Variants in GPHN observed in about 807,000 individuals in gnomAD.
The protein encoded by GPHN is gephyrin.
GPHN carries 17 observed loss-of-function variants against 95.5 expected under a neutral mutation model. The observed-to-expected ratio is 0.18, with a 90% CI of 0.12 to 0.27. The LOEUF (loss-of-function observed/expected upper bound fraction) is 0.27. GPHN is among the 10% of genes least tolerant of loss of function. GPHN has a pLI of 1.00. For synonymous variants in GPHN, 320 were observed against 322.5 expected, an observed-to-expected ratio of 0.99 and a Z score of 0.08; for missense variants, 660 against 978.1, an observed-to-expected ratio of 0.67 and a Z score of 4.34.
At chr14:67,308,828 C>T in the GPHN span, among the ~76,000 whole-genome samples, 3 of 152,036 alleles carry the variant, frequency 2.0e-5, no homozygotes, top group Non-Finnish European at 4.4e-5. Flanking sequence ...TCCCAAATTA[C>T]AATATAGGAC....
At chr14:67,538,424 A>G in the GPHN span, among the ~76,000 whole-genome samples, 1 of 152,246 alleles carries the variant, frequency 6.6e-6, no homozygotes, top group East Asian at 1.9e-4. Context: ...AGAGAGAAAT[A>G]ACACATGCGT....
chr14:66,848,731 A>G (rs1159960752), intron 4 of GPHN, among the ~76,000 whole-genome samples: 1 of 152,038 alleles, frequency 6.6e-6, no homozygotes, highest in Non-Finnish European at 1.5e-5. Flanking sequence ...AGAGTTTTAA[A>G]ATAACTCCTT....
At chr14:67,035,366 G>A (rs1186742555) in intron 10 of GPHN, among the ~76,000 whole-genome samples, 1 of 151,354 alleles carries the variant, frequency 6.6e-6, no homozygotes, top group Non-Finnish European at 1.5e-5. Context: ...TCAAAAGTTA[G>A]GAGAAAGAAG....
At chr14:67,145,284 AG>A (rs2080836221) in intron 18 of GPHN, among the ~76,000 whole-genome samples, 1 of 152,174 alleles carries the variant, frequency 6.6e-6, no homozygotes, top group African/African-American at 2.4e-5. Context: ...TACTCTGGAG[AG>A]GTAACAAACT....
At chr14:67,254,404 C>T in the GPHN span, 4 of 151,968 alleles carry the variant, frequency 2.6e-5, no homozygotes, top group African/African-American at 7.3e-5. Context: ...ATAAGAATAT[C>T]CTCATATGCT....
intron 1 of GPHN, among the ~76,000 whole-genome samples, chr14:66,527,677 C>T (rs1031225844): frequency 1.3e-5 from 2 of 152,102 alleles, no homozygotes; most frequent in Non-Finnish European, 2.9e-5. Flanking sequence ...TCTTTGTTCT[C>T]ATTGGTTTCA....
At chr14:67,241,182 C>G in the GPHN span, 1 of 152,228 alleles carries the variant, frequency 6.6e-6, no homozygotes, top group African/African-American at 2.4e-5. Context: ...CGGGCGCTCT[C>G]TCCGCTCCGG....
the GPHN span, chr14:67,474,032 A>T: frequency 2.6e-4 from 357 of 1,372,368 alleles, 1 homozygote; most frequent in Middle Eastern, 2.7e-4. Flanking sequence ...GCGGCGGATC[A>T]CTTGAGGTCA....
chr14:66,701,789 C>T lies in GPHN; in HGVS notation c.143+20604C>T, dbSNP rs996039783. Among the ~76,000 whole-genome samples, 5 of 152,272 alleles carry T rather than the reference C, an allele frequency of 3.3e-5. No homozygotes were observed. In the East Asian group the frequency reaches 7.7e-4, roughly 23 times the overall value. On this transcript the variant is annotated intron_variant, in intron 2 of 22. Transcript: ENST00000478722. ...CCTACCAAGCTCCTGGGGGGAGGGGCGACCAACACCACAGCTATGGCTGCC... is the reference window on the plus strand; with the variant it reads ...CCTACCAAGCTCCTGGGGGGAGGGGTGACCAACACCACAGCTATGGCTGCC...
At chr14:67,473,641 G>C in the GPHN span, 1 of 1,581,348 alleles carries the variant, frequency 6.3e-7, no homozygotes, top group East Asian at 2.3e-5. The surrounding 1 kb of genome is among the most constrained non-coding windows in gnomAD (Gnocchi z 6.5). Flanking sequence ...AACTGGCGCA[G>C]GATGAAGCCG....
the GPHN span, among the ~76,000 whole-genome samples, chr14:67,680,571 A>G: frequency 6.6e-6 from 1 of 151,984 alleles, no homozygotes; most frequent in Non-Finnish European, 1.5e-5. Flanking sequence ...TGATCCTCCT[A>G]TCTCAGCCTC....
intron 10 of GPHN, among the ~76,000 whole-genome samples, chr14:67,035,214 C>T (rs897334619): frequency 4.0e-5 from 6 of 151,896 alleles, no homozygotes; most frequent in Middle Eastern, 3.4e-3. Context: ...AAAAACACAA[C>T]ACACCAAAAC....
the GPHN span, chr14:67,316,826 A>C: frequency 1.9e-6 from 3 of 1,605,828 alleles, no homozygotes; most frequent in Non-Finnish European, 2.5e-6. Flanking sequence ...TCTTTCTGCT[A>C]TTAAGGGAAA....
the GPHN span, among the ~76,000 whole-genome samples, chr14:67,411,299 G>A: frequency 6.6e-6 from 1 of 152,170 alleles, no homozygotes; most frequent in African/African-American, 2.4e-5. Context: ...GGGAAGGACT[G>A]AGGAGGGGAG....
At chr14:66,826,564 G>A (rs73273241) in intron 4 of GPHN, among the ~76,000 whole-genome samples, 4,592 of 152,156 alleles carry the variant, frequency 0.03, 248 homozygotes, top group African/African-American at 0.1. Context: ...AAGTCAGTTG[G>A]TTCCCAAACC....
At chr14:67,102,576 C>T (rs1032595334) in intron 13 of GPHN, among the ~76,000 whole-genome samples, 6 of 152,066 alleles carry the variant, frequency 3.9e-5, no homozygotes, top group Non-Finnish European at 8.8e-5. Context: ...AGGAGAATCG[C>T]TTGAACCTGG....
chr14:67,202,482 A>C, the GPHN span, among the ~76,000 whole-genome samples: 5 of 152,196 alleles, frequency 3.3e-5, no homozygotes, highest in Non-Finnish European at 7.3e-5. Flanking sequence ...ATAAACTTAC[A>C]TTATATCTAA....
the GPHN span, among the ~76,000 whole-genome samples, chr14:67,429,975 C>T: frequency 3.3e-5 from 5 of 152,190 alleles, no homozygotes; most frequent in African/African-American, 4.8e-5. Flanking sequence ...CTCAAGATCA[C>T]GTGGCTCATA....
At chr14:67,522,740 CT>C in the GPHN span, among the ~76,000 whole-genome samples, 1 of 152,182 alleles carries the variant, frequency 6.6e-6, no homozygotes, top group Non-Finnish European at 1.5e-5. Context: ...TAGGAGCCGG[CT>C]GAGAGACAGC....
Sources: allele counts gnomAD v4.1 joint callset (sites outside exome capture counted in the v4.1 genomes callset), GRCh38; gene constraint gnomAD v4.1.1; non-coding constraint Gnocchi (gnomAD v3.1); transcripts MANE v1.5; gene names NCBI Gene and HGNC (gene_info 2026-07-23, HGNC 2026-07-21).